The following AP1G1 variants were observed in gnomAD, a reference collection of about 807,000 sequenced individuals.
AP1G1 encodes the protein adaptor related protein complex 1 subunit gamma 1.
Under a neutral mutation model 108.3 loss-of-function variants are expected in AP1G1, and 7 were observed. The observed-to-expected ratio is 0.06, with a 90% CI of 0.04 to 0.12. The LOEUF is 0.12. AP1G1 is among the 10% of genes least tolerant of loss of function. The probability of loss-of-function intolerance (pLI) is 1.00; values close to 1 mark genes in which losing one functional copy is unlikely to be tolerated. For synonymous variants in AP1G1, 379 were observed against 353.5 expected, an observed-to-expected ratio of 1.07 and a Z score of -0.81; for missense variants, 756 against 1,010.7, an observed-to-expected ratio of 0.75 and a Z score of 3.42.
chr16:71,766,538 A>G, intron 6 of AP1G1: 1 of 404,554 alleles, frequency 2.5e-6, no homozygotes, highest in South Asian at 1.8e-5. Context: ...TTAGCTATAT[A>G]AACAACTCTA....
intron 17 of AP1G1, 138 bp from the exon 18 acceptor site, chr16:71,745,752 G>A (rs1381575896): frequency 1.3e-6 from 1 of 766,356 alleles, no homozygotes; most frequent in South Asian, 1.7e-5. Flanking sequence ...AAAATAGAAG[G>A]TAGATTACAA....
intron 1 of AP1G1, among the ~76,000 whole-genome samples, chr16:71,803,272 T>C (rs955275654): frequency 1.3e-5 from 2 of 152,296 alleles, no homozygotes; most frequent in East Asian, 1.9e-4. Flanking sequence ...AAAAGTCACA[T>C]GTATTTTTTC....
At chr16:71,756,293 CT>C in intron 11 of AP1G1, 134 bp from the exon 12 acceptor site, 1 of 676,196 alleles carries the variant, frequency 1.5e-6, no homozygotes, top group South Asian at 2.9e-5. Context: ...TGATCCCAAT[CT>C]TTGCACACGA....
At chr16:71,749,774 A>C in intron 15 of AP1G1, 120 bp downstream of exon 15, 1 of 792,860 alleles carries the variant, frequency 1.3e-6, no homozygotes, top group South Asian at 1.5e-5. Flanking sequence ...TATAGGCATG[A>C]GCCACCACGC....
chr16:71,745,647 A>G (rs1567642671), intron 17 of AP1G1, 33 bp from the exon 18 acceptor site: 1 of 1,582,122 alleles, frequency 6.3e-7, no homozygotes, highest in Non-Finnish European at 8.7e-7. Context: ...AATTCTAGGC[A>G]GTTAACCTAG....
intron 21 of AP1G1, among the ~76,000 whole-genome samples, chr16:71,735,014 A>G (rs2045515916): frequency 6.6e-6 from 1 of 152,218 alleles, no homozygotes. Flanking sequence ...TTCTTCTGGC[A>G]ACTTCACTTA....
At position 71,774,346 on chromosome 16, in the gene AP1G1, G is replaced by A. The variant is rs377339201; in HGVS notation, c.326+122C>T. 97 of 1,027,968 alleles carry A rather than the reference G, an allele frequency of 9.4e-5. No homozygotes were observed. The East Asian group carries it at 1.9e-3, about 20-fold the overall frequency. 63.7% of individuals were successfully genotyped at this position (1,027,968 alleles called of 1,614,324 possible). A position where few individuals can be genotyped will look rare whatever the true frequency, so the allele number is the denominator to read the frequency against. On this transcript the variant is annotated intron_variant, in intron 3 of 22. Coordinates refer to ENST00000299980, the MANE Select transcript of AP1G1 (RefSeq NM_001128.6). Reference sequence around the variant, plus strand: ...GACGGTGGCAGCGGAGGAGGATGCAGTGAGTCAAGATCACGCCACTTCACT... The same window carrying A: ...GACGGTGGCAGCGGAGGAGGATGCAATGAGTCAAGATCACGCCACTTCACT...
intron 1 of AP1G1, among the ~76,000 whole-genome samples, chr16:71,805,882 G>A (rs1037067359): frequency 1.3e-5 from 2 of 151,980 alleles, no homozygotes; most frequent in Non-Finnish European, 2.9e-5. Flanking sequence ...TTAGCCCTGC[G>A]TGGTAGCACA....
intron 14 of AP1G1, 22 bp from the exon 15 acceptor site, chr16:71,750,005 T>C (rs780256395): frequency 1.3e-6 from 2 of 1,593,164 alleles, no homozygotes; most frequent in South Asian, 2.2e-5. Context: ...AAAGTCAACG[T>C]TTCTCAAGAA....
chr16:71,805,060 G>A (rs555302888), intron 1 of AP1G1, among the ~76,000 whole-genome samples: 3 of 152,008 alleles, frequency 2.0e-5, no homozygotes, highest in East Asian at 3.9e-4. Flanking sequence ...TAAGCTGAGA[G>A]GAGTTGAAAA....
intron 21 of AP1G1, among the ~76,000 whole-genome samples, chr16:71,736,384 C>CTT (rs776717308): frequency 1.5e-5 from 2 of 135,140 alleles, no homozygotes; most frequent in Admixed American, 7.5e-5. Flanking sequence ...TAAAATATGA[C>CTT]TTTTTTTTTT....
chr16:71,776,626 C>T (rs996059387), intron 2 of AP1G1, among the ~76,000 whole-genome samples: 4 of 152,316 alleles, frequency 2.6e-5, no homozygotes, highest in Non-Finnish European at 5.9e-5. Context: ...AATCAGATAT[C>T]AGAGTTTTCA....
chr16:71,805,990 T>C (rs2032984593), intron 1 of AP1G1, among the ~76,000 whole-genome samples: 1 of 151,476 alleles, frequency 6.6e-6, no homozygotes, highest in Non-Finnish European at 1.5e-5. Context: ...CACTCCAGCC[T>C]GGGCAACAGA....
chr16:71,787,853 T>C (rs2032263909), intron 2 of AP1G1, among the ~76,000 whole-genome samples: 1 of 152,202 alleles, frequency 6.6e-6, no homozygotes, highest in South Asian at 2.1e-4. Context: ...AAAGAACATA[T>C]TATATTTTTA....
intron 4 of AP1G1, chr16:71,772,813 T>C (rs2031628391): frequency 4.2e-6 from 1 of 239,078 alleles, no homozygotes; most frequent in Admixed American, 5.2e-5. Flanking sequence ...TACTAATCCA[T>C]TCAGAAAGTG....
Position 71,739,295 on chromosome 16 carries a change from G to C in AP1G1, c.2046C>G (p.Ser682=). 1 of 1,612,406 alleles carries C rather than the reference G, an allele frequency of 6.2e-7. No homozygotes were observed. Among genetic ancestry groups the C allele is most frequent in the Non-Finnish European group, 8.5e-7 (1 of 1,179,634 alleles). Reference sequence around the variant, plus strand: ...GCCCATCCAACAAGAAGGGGGGCTGGGATATCTGTGGGACTGAGGCAGGGG... The same window carrying C: ...GCCCATCCAACAAGAAGGGGGGCTGCGATATCTGTGGGACTGAGGCAGGGG... ...APAPASVPQI[S]QPPFLLDGLS... is the part of the protein sequence containing the mutation. Residue 682 remains serine, a synonymous_variant, in exon 20 of 23, where the codon TCC becomes TCG. Coordinates refer to ENST00000299980, the MANE Select transcript of AP1G1 (RefSeq NM_001128.6).
At chr16:71,737,665 G>C (rs1402824443) in intron 21 of AP1G1, among the ~76,000 whole-genome samples, 1 of 151,984 alleles carries the variant, frequency 6.6e-6, no homozygotes, top group East Asian at 1.9e-4. Context: ...AGAGGATGGG[G>C]AAAAAATAAA....
chr16:71,755,119 T>A (rs374239745), intron 12 of AP1G1, among the ~76,000 whole-genome samples: 2 of 152,294 alleles, frequency 1.3e-5, no homozygotes, highest in African/African-American at 4.8e-5. Context: ...AACTGTTCTA[T>A]TGCCTTTATT....
intron 2 of AP1G1, among the ~76,000 whole-genome samples, chr16:71,784,557 T>A (rs1012187928): frequency 3.9e-5 from 6 of 152,132 alleles, no homozygotes; most frequent in Non-Finnish European, 7.3e-5. Flanking sequence ...GGCTAAGATA[T>A]TTTTTTGTTG....
Sources: gnomAD v4.1 joint callset for allele counts (sites outside exome capture counted in the v4.1 genomes callset) on GRCh38, gnomAD v4.1.1 for gene constraint, MANE v1.5 for transcripts, NCBI Gene and HGNC (gene_info 2026-07-23, HGNC 2026-07-21) for gene names.